The following CAMK2D variants were observed in gnomAD, a reference collection of about 807,000 sequenced individuals.
CAMK2D encodes calcium/calmodulin-dependent protein kinase type II subunit delta.
Under a neutral mutation model 84.0 loss-of-function variants are expected in CAMK2D, and 37 were observed. That is an observed-to-expected ratio of 0.44 (90% CI 0.34 to 0.58). The LOEUF is 0.58. CAMK2D is among the 20% of genes least tolerant of loss of function. The pLI, the probability that CAMK2D is intolerant of heterozygous loss-of-function variation, is 0.02. For missense variants in CAMK2D, 448 were observed against 652.5 expected, an observed-to-expected ratio of 0.69 and a Z score of 3.41; for synonymous variants, 202 against 212.5, an observed-to-expected ratio of 0.95 and a Z score of 0.43.
chr4:113,532,311 T>C (rs577104456), intron 7 of CAMK2D, among the ~76,000 whole-genome samples: 1 of 150,650 alleles, frequency 6.6e-6, no homozygotes, highest in East Asian at 1.9e-4. Flanking sequence ...TCTTTTTCTG[T>C]TTGTTTTGGG....
intron 3 of CAMK2D, among the ~76,000 whole-genome samples, chr4:113,619,400 G>A (rs1026844750): frequency 2.0e-5 from 3 of 151,988 alleles, no homozygotes; most frequent in Non-Finnish European, 4.4e-5. Flanking sequence ...TTGTCCTTAG[G>A]TTCAGAATCC....
intron 2 of CAMK2D, among the ~76,000 whole-genome samples, chr4:113,741,278 T>C (rs2099592202): frequency 6.6e-6 from 1 of 152,150 alleles, no homozygotes; most frequent in Non-Finnish European, 1.5e-5. Flanking sequence ...TATGCTAAGA[T>C]CTATGGTAAG....
intron 2 of CAMK2D, among the ~76,000 whole-genome samples, chr4:113,758,320 C>T (rs573652184): frequency 1.4e-4 from 21 of 152,036 alleles, no homozygotes; most frequent in Non-Finnish European, 2.5e-4. Context: ...ACCTAAAATG[C>T]ATGTTAAAAG....
At chr4:113,458,605 A>T (rs1485907402) in intron 18 of CAMK2D, among the ~76,000 whole-genome samples, 1 of 152,204 alleles carries the variant, frequency 6.6e-6, no homozygotes, top group Non-Finnish European at 1.5e-5. Context: ...AGGAAACATG[A>T]GATGCTATCA....
At chr4:113,633,450 C>A (rs922870083) in intron 3 of CAMK2D, among the ~76,000 whole-genome samples, 6 of 152,136 alleles carry the variant, frequency 3.9e-5, no homozygotes, top group African/African-American at 1.4e-4. Context: ...AATAGGACAC[C>A]AAGTCCAATA....
chr4:113,738,370 A>C (rs72678798), intron 2 of CAMK2D, among the ~76,000 whole-genome samples: 3,631 of 152,262 alleles, frequency 0.024, 74 homozygotes, highest in Middle Eastern at 0.058. Flanking sequence ...CATCCTCCAC[A>C]AATAATGGTT....
chr4:113,754,157 T>G, intron 2 of CAMK2D: 1 of 912,708 alleles, frequency 1.1e-6, no homozygotes, highest in Non-Finnish European at 1.3e-6. Flanking sequence ...CAGTGTAGTT[T>G]ACTAGAAATA....
chr4:113,485,494 TAAACA>T (rs2097757614), intron 16 of CAMK2D, among the ~76,000 whole-genome samples: 2 of 152,168 alleles, frequency 1.3e-5, no homozygotes, highest in African/African-American at 4.8e-5. Flanking sequence ...TCCTAAAACA[TAAACA>T]AAACAAAACT....
chr4:113,706,855 C>T (rs1302900542), intron 2 of CAMK2D, among the ~76,000 whole-genome samples: 2 of 151,946 alleles, frequency 1.3e-5, no homozygotes, highest in Non-Finnish European at 2.9e-5. Flanking sequence ...AAGTTATTTC[C>T]CAGTGTAAAG....
At chr4:113,480,773 G>A (rs10029218) in intron 16 of CAMK2D, among the ~76,000 whole-genome samples, 20,038 of 152,030 alleles carry the variant, frequency 0.13, 1,563 homozygotes, top group African/African-American at 0.21. Flanking sequence ...CCTAGCAGGC[G>A]GAGGTTGCAG....
At chr4:113,695,529 G>C (rs1371074555) in intron 2 of CAMK2D, among the ~76,000 whole-genome samples, 1 of 151,986 alleles carries the variant, frequency 6.6e-6, no homozygotes, top group Admixed American at 6.6e-5. Context: ...ATTCCAGCCT[G>C]CTAAATTGCT....
At chr4:113,537,548 C>A in intron 6 of CAMK2D, 105 bp from the exon 7 acceptor site, 1 of 668,848 alleles carries the variant, frequency 1.5e-6, no homozygotes. Context: ...AATTCATGCA[C>A]TGTCATCTTT....
rs907654667 is a variant in CAMK2D, at chr4:113,454,009, G to T, written c.*536C>A. On this transcript the variant is annotated 3_prime_UTR_variant, in exon 21 of 21. Transcript: ENST00000511664. ...ATCATCCCACTTTAATTGTTAATCA[G>T]CAAAACTTTCAATGAAAAATCATCC... The T allele has an allele frequency of 1.4e-5, 2 of 146,314 alleles. No homozygotes were observed. Among genetic ancestry groups the T allele is most frequent in the Non-Finnish European group, 3.0e-5 (2 of 67,156 alleles). The allele number at this position is 146,314 out of a possible 1,614,324, so 9.1% of individuals were successfully genotyped here. A position where few individuals can be genotyped will look rare whatever the true frequency, so the allele number is the denominator to read the frequency against.
chr4:113,489,204 A>G lies in CAMK2D; in HGVS notation c.1135+11259T>C, dbSNP rs549369045. The stretch of plus-strand genomic sequence containing the variant: ...TGCACATCGTGCAGGTTAGTTACAT[A>G]TGTATACATGTGCCATGCTGGTGCG... On this transcript the variant is annotated intron_variant, in intron 16 of 20. Transcript: ENST00000511664. 1.6e-4 allele frequency among the ~76,000 whole-genome samples: 25 copies of G among 151,742 alleles called. No individual in the cohort carries two copies. The South Asian group carries it at 5.2e-3, about 32-fold the overall frequency.
At chr4:113,617,908 T>TCATACACACACA (rs11272530) in intron 3 of CAMK2D, among the ~76,000 whole-genome samples, 71,959 of 149,942 alleles carry the variant, frequency 0.48, 19,038 homozygotes, top group East Asian at 0.78. Flanking sequence ...TTTGCTTGGG[T>TCATACACACACA]CATACACACA....
intron 3 of CAMK2D, among the ~76,000 whole-genome samples, chr4:113,654,519 T>C (rs1056455825): frequency 2.6e-5 from 4 of 152,028 alleles, no homozygotes; most frequent in African/African-American, 7.2e-5. Context: ...TGTATTAATA[T>C]TGAAAGTTTT....
chr4:113,692,821 A>G (rs1490819781), intron 2 of CAMK2D, among the ~76,000 whole-genome samples: 1 of 152,082 alleles, frequency 6.6e-6, no homozygotes, highest in African/African-American at 2.4e-5. Context: ...CTATCTTGAT[A>G]TATTCCCTGG....
At chr4:113,498,400 G>A (rs1002767489) in intron 16 of CAMK2D, among the ~76,000 whole-genome samples, 1 of 152,030 alleles carries the variant, frequency 6.6e-6, no homozygotes, top group African/African-American at 2.4e-5. Flanking sequence ...ATATTAAAAG[G>A]GTTAGTCTCC....
At chr4:113,551,072 GTCA>G (rs1285760430) in intron 5 of CAMK2D, among the ~76,000 whole-genome samples, 1 of 152,098 alleles carries the variant, frequency 6.6e-6, no homozygotes, top group African/African-American at 2.4e-5. Context: ...TGGGAGCAGA[GTCA>G]ATCTCTGCTC....
Sources: allele counts gnomAD v4.1 joint callset (sites outside exome capture counted in the v4.1 genomes callset), GRCh38; gene constraint gnomAD v4.1.1; transcripts MANE v1.5; gene names NCBI Gene and HGNC (gene_info 2026-07-23, HGNC 2026-07-21).